RBL1: variants seen among roughly 807,000 people sequenced by gnomAD.
RBL1 encodes RB transcriptional corepressor like 1, also known as retinoblastoma-like protein 1.
A neutral mutation model predicts 123.0 loss-of-function variants in RBL1; 82 were observed. That is an observed-to-expected ratio of 0.67 (90% confidence interval 0.56 to 0.80). RBL1 has a LOEUF of 0.80. RBL1 is among the 30% of genes least tolerant of loss of function. The probability of loss-of-function intolerance (pLI) is 0.00; values close to 1 mark genes in which losing one functional copy is unlikely to be tolerated. For missense variants in RBL1, 1,171 were observed against 1,299.6 expected (o/e 0.90, Z 1.52); for synonymous variants, 405 against 441.3 (o/e 0.92, Z 1.03).
At position 36,997,473 on chromosome 20, in the gene RBL1, A is replaced by G. The variant is rs1173954295; in HGVS notation, c.*1286T>C. 1 of 152,194 alleles carries G rather than the reference A, an allele frequency of 6.6e-6. No homozygotes were observed. Among genetic ancestry groups the G allele is most frequent in the East Asian group, 1.9e-4 (1 of 5,200 alleles). The allele number at this position is 152,194 out of a possible 1,614,324, so 9.4% of individuals were successfully genotyped here. A position where few individuals can be genotyped will look rare whatever the true frequency, so the allele number is the denominator to read the frequency against. On this transcript the variant is annotated 3_prime_UTR_variant, in exon 22 of 22. Transcript: ENST00000373664. Reference sequence around the variant, plus strand: ...TGAGAACAAAGTGTGGGAAGTAATAAGCAGCTATTTTACTGATGTATTAAA... The same window carrying G: ...TGAGAACAAAGTGTGGGAAGTAATAGGCAGCTATTTTACTGATGTATTAAA...
intron 11 of RBL1, chr20:37,049,191 G>T: frequency 2.8e-6 from 1 of 353,628 alleles, no homozygotes. Context: ...GACAGGGCGA[G>T]ACTCTGTCCC....
In RBL1 at chr20:37,061,092, A is replaced by T; in HGVS notation, c.1250+11T>A. ...AAAAGACATTTGGAAAAATAACAGT[A>T]TTGTACATACTCAAAAATATTTATA... is the stretch of plus-strand genomic sequence containing the variant. On this transcript the variant is annotated intron_variant, in intron 9 of 21. Transcript: ENST00000373664. The T allele has an allele frequency of 6.3e-7, 1 of 1,589,718 alleles. No individual in the cohort carries two copies. The highest frequency in any genetic ancestry group is 1.1e-5 in the South Asian group (1 of 87,620).
At chr20:37,069,573 T>A (rs2065247740) in intron 2 of RBL1, among the ~76,000 whole-genome samples, 1 of 140,590 alleles carries the variant, frequency 7.1e-6, no homozygotes, top group African/African-American at 2.6e-5. Context: ...GGCCGCCCCG[T>A]CTGAGAAGTG....
In RBL1 at chr20:37,044,360, C is replaced by T. The variant is rs117484444; in HGVS notation, c.1606-110G>A. On this transcript the variant is annotated intron_variant, in intron 12 of 21. Transcript: ENST00000373664. ...CTTCTTCTTCTTCTTTTTTTTGAGA[C>T]GGAGTTTCCCTCTGTTGCCCAGGCT... 2.9e-4 allele frequency: 319 copies of T among 1,091,318 alleles called. 3 individuals are homozygous for T. The East Asian group carries it at 5.5e-3, about 19-fold the overall frequency. The allele number at this position is 1,091,318 out of a possible 1,614,324, so 67.6% of individuals were successfully genotyped here.
Position 37,022,702 on chromosome 20 carries a change from T to C in RBL1, c.2507A>G (p.Lys836Arg). The C allele has an allele frequency of 1.2e-6, 2 of 1,613,520 alleles. No homozygotes were observed. Among genetic ancestry groups the C allele is most frequent in the Non-Finnish European group, 1.7e-6 (2 of 1,179,706 alleles). ...GAGGAGCTGATCCAAATGCCTGTCT[T>C]TCATTAGATCAGGACAGTGAACTAA... ...FTLVHCPDLM[K>R]DRHLDQLLLC... Residue 836 changes from lysine to arginine, a missense_variant, in exon 17 of 22, where the codon AAA (lysine) becomes AGA (arginine). Transcript: ENST00000373664.
chr20:37,007,277 A>G (rs2064090296), intron 20 of RBL1, 134 bp downstream of exon 20: 3 of 917,020 alleles, frequency 3.3e-6, no homozygotes, highest in Non-Finnish European at 4.9e-6. Context: ...AGCCTTAATC[A>G]CTGATTAAGT....
intron 19 of RBL1, among the ~76,000 whole-genome samples, chr20:37,009,518 G>A (rs919164718): frequency 2.6e-5 from 4 of 151,888 alleles, no homozygotes; most frequent in African/African-American, 4.8e-5. Context: ...CTGCCACACC[G>A]AGCTAATTTT....
intron 2 of RBL1, among the ~76,000 whole-genome samples, chr20:37,085,132 CTTT>C (rs1212338574): frequency 6.8e-4 from 90 of 132,964 alleles, no homozygotes; most frequent in Non-Finnish European, 1.2e-3. Flanking sequence ...CTTTTCTTTT[CTTT>C]TTTTTTTTTT....
At chr20:37,012,169 A>G (rs941507852) in intron 19 of RBL1, among the ~76,000 whole-genome samples, 15 of 152,230 alleles carry the variant, frequency 9.9e-5, no homozygotes, top group South Asian at 2.1e-4. Context: ...TCAGTGCTCA[A>G]TGGTGCCCAG....
intron 14 of RBL1, among the ~76,000 whole-genome samples, chr20:37,036,390 G>C (rs777821390): frequency 6.6e-6 from 1 of 152,006 alleles, no homozygotes; most frequent in Admixed American, 6.6e-5. Context: ...CGATTCTCCT[G>C]CCTCAGCCTC....
At chr20:37,035,788 A>G (rs184062227) in intron 14 of RBL1, among the ~76,000 whole-genome samples, 52 of 152,218 alleles carry the variant, frequency 3.4e-4, no homozygotes, top group Admixed American at 3.4e-3. Context: ...AGAGGTTGAG[A>G]GGTAGAATGA....
At position 37,062,645 on chromosome 20, in the gene RBL1, CAAAAAA is replaced by C. The variant is rs60370479; in HGVS notation, c.897-381_897-376del. 6.7e-4 allele frequency among the ~76,000 whole-genome samples: 27 copies of C among 40,088 alleles called. No individual in the cohort carries two copies. The East Asian group carries it at 0.016, about 23-fold the overall frequency. 26.3% of individuals were successfully genotyped at this position (40,088 alleles called of 152,430 possible). A position where few individuals can be genotyped will look rare whatever the true frequency, so the allele number is the denominator to read the frequency against. On this transcript the variant is annotated intron_variant, in intron 7 of 21. Transcript: ENST00000373664. The stretch of plus-strand genomic sequence containing the variant: ...CTGGCAACAGAACAAGACTCTGTCT[CAAAAAA>C]AAAAAAAAAAAAAAAAAAAATGGGC...
chr20:37,030,786 CA>C (rs1020347034), intron 16 of RBL1, among the ~76,000 whole-genome samples: 2 of 150,752 alleles, frequency 1.3e-5, no homozygotes, highest in Non-Finnish European at 2.9e-5. Context: ...ACCCGGGAGG[CA>C]GGGGTTGCAG....
At chr20:37,010,482 A>C (rs1484446205) in intron 19 of RBL1, among the ~76,000 whole-genome samples, 1 of 152,178 alleles carries the variant, frequency 6.6e-6, no homozygotes, top group Non-Finnish European at 1.5e-5. Flanking sequence ...TTTTGTCATG[A>C]GAATACTATA....
At chr20:37,024,803 T>C (rs1203092003) in intron 16 of RBL1, among the ~76,000 whole-genome samples, 1 of 152,116 alleles carries the variant, frequency 6.6e-6, no homozygotes, top group Non-Finnish European at 1.5e-5. Context: ...TTAAAAATGG[T>C]AAGTAAATGG....
In RBL1 at chr20:37,067,276, C is replaced by T. The variant is rs6130463; in HGVS notation, c.513G>A (p.Lys171=). 6.2e-7 allele frequency: 1 copy of T among 1,605,054 alleles called. No individual in the cohort carries two copies. The highest frequency in any genetic ancestry group is 8.5e-7 in the Non-Finnish European group (1 of 1,177,534). The change falls in exon 4 of 22, where the codon AAG becomes AAA. Residue 171 remains lysine, a synonymous_variant. Coordinates refer to ENST00000373664, the MANE Select transcript of RBL1 (RefSeq NM_002895.5). ...RKQRRIPCSV[K]DLFNFCWTLF... Reference sequence around the variant, plus strand: ...GTGTCCAACAGAAATTAAACAGATCCTTAACACTGCAAGGAATCCTCCTAA... The same window carrying T: ...GTGTCCAACAGAAATTAAACAGATCTTTAACACTGCAAGGAATCCTCCTAA...
chr20:37,000,594 G>A (rs1161681214), intron 21 of RBL1, among the ~76,000 whole-genome samples: 3 of 143,762 alleles, frequency 2.1e-5, no homozygotes, highest in East Asian at 2.2e-4. Flanking sequence ...GGAAGGATGT[G>A]GGGGGGTCAG....
At chr20:37,062,316 G>A in intron 7 of RBL1, 46 bp from the exon 8 acceptor site, 2 of 1,574,212 alleles carry the variant, frequency 1.3e-6, no homozygotes, top group Non-Finnish European at 1.7e-6. Flanking sequence ...TTACACAATG[G>A]ATTTATTTTG....
chr20:36,999,734 T>A (rs1347217527), intron 21 of RBL1, among the ~76,000 whole-genome samples: 1 of 152,240 alleles, frequency 6.6e-6, no homozygotes, highest in African/African-American at 2.4e-5. Flanking sequence ...CCGCGAGTGA[T>A]CCGCCAGCCT....
Sources: gnomAD v4.1 joint callset for allele counts (sites outside exome capture counted in the v4.1 genomes callset) on GRCh38, gnomAD v4.1.1 for gene constraint, MANE v1.5 for transcripts, NCBI Gene and HGNC (gene_info 2026-07-23, HGNC 2026-07-21) for gene names.